SNRNP70: variants seen among roughly 807,000 people sequenced by gnomAD.
SNRNP70 encodes small nuclear ribonucleoprotein U1 subunit 70, also known as U1 small nuclear ribonucleoprotein 70 kDa.
In SNRNP70, 8 loss-of-function variants were observed where a neutral mutation model predicts 50.5. That is an observed-to-expected ratio of 0.16 (90% CI 0.09 to 0.29). The LOEUF is 0.29. Ranked by LOEUF, SNRNP70 falls within the 10% of genes least tolerant of loss-of-function variation. SNRNP70 has a pLI of 1.00. For missense variants in SNRNP70, 529 were observed against 663.5 expected (o/e 0.80, Z 2.23); for synonymous variants, 320 against 252.9 (o/e 1.27, Z -2.52).
intron 8 of SNRNP70, among the ~76,000 whole-genome samples, chr19:49,106,504 C>T (rs1220185390): frequency 6.6e-6 from 1 of 152,180 alleles, no homozygotes; most frequent in Non-Finnish European, 1.5e-5. Context: ...AAAGGCTAGT[C>T]TAGCTGCCCT....
At chr19:49,101,997 C>A (rs1421136799) in intron 7 of SNRNP70, 2 of 460,110 alleles carry the variant, frequency 4.3e-6, no homozygotes, top group African/African-American at 2.0e-5. Flanking sequence ...AGTTCCAAAG[C>A]CCCCTTTGAG....
chr19:49,097,860 C>A (rs2040532480), intron 4 of SNRNP70, among the ~76,000 whole-genome samples: 1 of 152,244 alleles, frequency 6.6e-6, no homozygotes, highest in Admixed American at 6.5e-5. Context: ...TTCCTGGGTT[C>A]CTTTTTAGAG....
chr19:49,088,498 CTT>C (rs71179084), intron 2 of SNRNP70, among the ~76,000 whole-genome samples: 10 of 99,478 alleles, frequency 1.0e-4, no homozygotes, highest in Middle Eastern at 0.011. Flanking sequence ...CGCACCCGAC[CTT>C]TTTTTTTTTT....
intron 6 of SNRNP70, among the ~76,000 whole-genome samples, chr19:49,100,216 C>T (rs916128119): frequency 6.6e-6 from 1 of 152,214 alleles, no homozygotes; most frequent in Non-Finnish European, 1.5e-5. Context: ...CTCAACAGCC[C>T]TGCCTTGCCC....
chr19:49,093,980 G>A (rs960366921), intron 4 of SNRNP70, among the ~76,000 whole-genome samples: 1 of 152,036 alleles, frequency 6.6e-6, no homozygotes, highest in South Asian at 2.1e-4. Flanking sequence ...CAGAGATAGC[G>A]CCATTACACT....
intron 4 of SNRNP70, 139 bp downstream of exon 4, chr19:49,090,659 G>T: frequency 2.6e-6 from 2 of 775,712 alleles, no homozygotes; most frequent in Non-Finnish European, 4.3e-6. Flanking sequence ...TTTAGCCCCT[G>T]CCACTTCACA....
At chr19:49,101,306 G>A in intron 6 of SNRNP70, 84 bp from the exon 7 acceptor site, 2 of 979,860 alleles carry the variant, frequency 2.0e-6, no homozygotes, top group Middle Eastern at 2.1e-4. Flanking sequence ...TCCGGCCCAG[G>A]GCCTGGTGTG....
rs1056420355 is a variant in SNRNP70, at chr19:49,104,278, G to A, written c.476-356G>A. The A allele has an allele frequency of 7.2e-5, 17 of 237,594 alleles. No homozygotes were observed. Among genetic ancestry groups the A allele is most frequent in the Admixed American group, 2.3e-4 (4 of 17,534 alleles). 14.7% of individuals were successfully genotyped at this position (237,594 alleles called of 1,614,324 possible). On this transcript the variant is annotated intron_variant, in intron 7 of 9. Coordinates refer to ENST00000598441, the MANE Select transcript of SNRNP70 (RefSeq NM_003089.6). The surrounding 1 kb of genome is among the most constrained non-coding windows in gnomAD (Gnocchi z 5.4). Reference sequence around the variant, plus strand: ...CCCCTCCCCCACAGCAGAGTCCAGCGTGGAGTTAACCTTCAGTTTCTTTGC... The same window carrying A: ...CCCCTCCCCCACAGCAGAGTCCAGCATGGAGTTAACCTTCAGTTTCTTTGC...
chr19:49,098,897 GTGGT>G (rs1257197601), intron 6 of SNRNP70, among the ~76,000 whole-genome samples, 193 bp downstream of exon 6: 1 of 152,202 alleles, frequency 6.6e-6, no homozygotes, highest in Non-Finnish European at 1.5e-5. Context: ...ATGACTGCTG[GTGGT>G]TGGTTGAGAG....
At position 49,107,489 on chromosome 19, in the gene SNRNP70, C is replaced by T. The variant is rs191864602; in HGVS notation, c.578-136C>T. ...TGATGGGAGTGCGCGGGATGAACTG[C>T]ACGGGGGGACCCGGCCCTGTGAACA... On this transcript the variant is annotated intron_variant, in intron 8 of 9. Transcript: ENST00000598441. This position sits in a 1 kb window ranked among gnomAD's most constrained non-coding sequence, Gnocchi z 6.0. 3.1e-4 allele frequency: 235 copies of T among 747,262 alleles called. 1 individual carries two copies. The African/African-American group carries it at 3.9e-3, about 12-fold the overall frequency. 46.3% of individuals were successfully genotyped at this position (747,262 alleles called of 1,614,324 possible). A position where few individuals can be genotyped will look rare whatever the true frequency, so the allele number is the denominator to read the frequency against.
chr19:49,100,223 G>A (rs2040565077), intron 6 of SNRNP70, among the ~76,000 whole-genome samples: 1 of 152,116 alleles, frequency 6.6e-6, no homozygotes, highest in South Asian at 2.1e-4. Flanking sequence ...GCCCTGCCTT[G>A]CCCGTTGTTC....
Position 49,108,398 on chromosome 19 carries a change from C to T in SNRNP70, c.1269C>T (p.Tyr423=), listed in dbSNP as rs780450646. The change falls in exon 10 of 10, where the codon TAC becomes TAT. Residue 423 remains tyrosine, a synonymous_variant. Transcript: ENST00000598441. Reference sequence around the variant, plus strand: ...TGGAGTCTGAGGGCGGCGACGGCTACCTGGCTCCGGAGAATGGGTATTTGA... The same window carrying T: ...TGGAGTCTGAGGGCGGCGACGGCTATCTGGCTCCGGAGAATGGGTATTTGA... The part of the protein sequence containing the change: ...MYMESEGGDG[Y]LAPENGYLME... 1 of 1,611,164 alleles carries T rather than the reference C, an allele frequency of 6.2e-7. No individual in the cohort carries two copies. The highest frequency in any genetic ancestry group is 8.5e-7 in the Non-Finnish European group (1 of 1,178,774).
chr19:49,108,086 C>A lies in SNRNP70; in HGVS notation c.957C>A (p.Pro319=). The change falls in exon 10 of 10, where the codon CCC becomes CCA. Residue 319 remains proline (P), a synonymous_variant. Coordinates refer to ENST00000598441, the MANE Select transcript of SNRNP70 (RefSeq NM_003089.6). ...LRGGGGDMAE[P]SEAGDAPPDD... is the part of the protein sequence containing the mutation. The stretch of plus-strand genomic sequence containing the variant: ...GCGGCGGTGGCGACATGGCGGAGCC[C>A]TCCGAGGCGGGTGACGCGCCCCCTG... 6.4e-7 allele frequency: 1 copy of A among 1,553,948 alleles called. No homozygotes were observed. Among genetic ancestry groups the A allele is most frequent in the African/African-American group, 1.4e-5 (1 of 73,746 alleles).
At position 49,104,949 on chromosome 19, in the gene SNRNP70, G is replaced by T. The variant is rs1053247804; in HGVS notation, c.577+214G>T. Among the ~76,000 whole-genome samples the T allele has an allele frequency of 2.0e-5, 3 of 152,200 alleles. No individual in the cohort carries two copies. The highest frequency in any genetic ancestry group is 4.4e-5 in the Non-Finnish European group (3 of 68,042). On this transcript the variant is annotated intron_variant, in intron 8 of 9. Coordinates refer to ENST00000598441, the MANE Select transcript of SNRNP70 (RefSeq NM_003089.6). The surrounding 1 kb of genome is among the most constrained non-coding windows in gnomAD (Gnocchi z 5.4). ...CTGTGAGGAGCAGGGGCACCAGCCT[G>T]GAGAGGCCTGAGCCCACATGCTGGC... is the stretch of plus-strand genomic sequence containing the variant.
Position 49,107,872 on chromosome 19 carries a change from G to T in SNRNP70, c.743G>T (p.Arg248Leu). The change falls in exon 10 of 10, where the codon CGA becomes CTA. Residue 248 changes from arginine (R) to leucine (L), a missense_variant. By Grantham distance (102) the Arg-to-Leu change is moderately radical. Coordinates refer to ENST00000598441, the MANE Select transcript of SNRNP70 (RefSeq NM_003089.6). The surrounding 1 kb of genome is among the most constrained non-coding windows in gnomAD (Gnocchi z 6.0). ...ERERRERSRE[R>L]DKERERRRSR... ...GAGCGCAGAGAGCGGAGCCGGGAGC[G>T]AGACAAGGAGCGAGAACGGCGACGC... 6.4e-7 allele frequency: 1 copy of T among 1,556,526 alleles called. No individual in the cohort carries two copies.
chr19:49,090,514 A>C lies in SNRNP70; in HGVS notation c.259A>C (p.Lys87Gln). Residue 87 changes from lysine (K) to glutamine (Q), a missense_variant, in exon 4 of 10, where the codon AAA (lysine) becomes CAA (glutamine). Lys to Gln is a moderately conservative substitution (Grantham distance 53). Around this residue, in one of 4 missense-constraint regions of SNRNP70, gnomAD observed 149 missense variants for 259.7 expected, o/e 0.57. Transcript: ENST00000598441. ...RRQQEVETELKMWDPHNDPNA... is the reference protein window; with the variant it reads ...RRQQEVETELQMWDPHNDPNA... Reference sequence around the variant, plus strand: ...ACAGCAAGAAGTGGAGACAGAGCTTAAAATGTGTAAGTCTCTCATCCACCA... The same window carrying C: ...ACAGCAAGAAGTGGAGACAGAGCTTCAAATGTGTAAGTCTCTCATCCACCA... 6.2e-7 allele frequency: 1 copy of C among 1,613,998 alleles called. No homozygotes were observed. Among genetic ancestry groups the C allele is most frequent in the Non-Finnish European group, 8.5e-7 (1 of 1,179,926 alleles).
At position 49,107,244 on chromosome 19, in the gene SNRNP70, G is replaced by A. The variant is rs1186928417; in HGVS notation, c.578-381G>A. 2.0e-5 allele frequency among the ~76,000 whole-genome samples: 3 copies of A among 152,214 alleles called. No individual in the cohort carries two copies. The highest frequency in any genetic ancestry group is 2.9e-5 in the Non-Finnish European group (2 of 68,040). Reference sequence around the variant, plus strand: ...GAGTTTGGACCTTAGGCTGGGGGACGCCAGCAAAGGCTTCTAAGCAGATCA... The same window carrying A: ...GAGTTTGGACCTTAGGCTGGGGGACACCAGCAAAGGCTTCTAAGCAGATCA... On this transcript the variant is annotated intron_variant, in intron 8 of 9. Transcript: ENST00000598441. This position sits in a 1 kb window ranked among gnomAD's most constrained non-coding sequence, Gnocchi z 6.0.
At chr19:49,095,373 G>T (rs1412327520) in intron 4 of SNRNP70, among the ~76,000 whole-genome samples, 1 of 152,240 alleles carries the variant, frequency 6.6e-6, no homozygotes, top group African/African-American at 2.4e-5. Flanking sequence ...CCTTGCTGCT[G>T]TGACAGCTTT....
At chr19:49,088,271 C>T (rs1405428440) in intron 2 of SNRNP70, among the ~76,000 whole-genome samples, 27 of 130,176 alleles carry the variant, frequency 2.1e-4, no homozygotes, top group Admixed American at 1.2e-3. Context: ...GGCGTGATCT[C>T]GGCTCACTGC....
Sources: gnomAD v4.1 joint callset for allele counts (sites outside exome capture counted in the v4.1 genomes callset) on GRCh38, gnomAD v4.1.1 for gene constraint, gnomAD v4.1.1 regional missense constraint, Gnocchi (gnomAD v3.1) non-coding constraint, MANE v1.5 for transcripts, NCBI Gene and HGNC (gene_info 2026-07-23, HGNC 2026-07-21) for gene names.